CATSPERT: variants seen among roughly 807,000 people sequenced by gnomAD.
The protein encoded by CATSPERT is cation channel sperm-associated targeting subunit tau.
chr2:201,615,349 A>C, the CATSPERT span, among the ~76,000 whole-genome samples: 2 of 152,272 alleles, frequency 1.3e-5, no homozygotes, highest in Non-Finnish European at 2.9e-5. Flanking sequence ...AAATTATAAC[A>C]GACTGTCTCT....
the CATSPERT span, chr2:201,601,710 C>A: frequency 6.4e-7 from 1 of 1,569,968 alleles, no homozygotes; most frequent in Non-Finnish European, 8.7e-7. Flanking sequence ...AGGAGCCATT[C>A]TAATATCTAG....
chr2:201,542,988 T>C, the CATSPERT span, among the ~76,000 whole-genome samples: 8 of 152,226 alleles, frequency 5.3e-5, no homozygotes, highest in Admixed American at 5.2e-4. Context: ...TTTCCAGTCT[T>C]ACATTTAAGT....
At chr2:201,563,036 C>G in the CATSPERT span, among the ~76,000 whole-genome samples, 3 of 151,388 alleles carry the variant, frequency 2.0e-5, no homozygotes, top group African/African-American at 7.3e-5. Flanking sequence ...TTGGGCACAC[C>G]TCCCAGACGG....
At chr2:201,604,847 C>A in the CATSPERT span, 1 of 431,780 alleles carries the variant, frequency 2.3e-6, no homozygotes, top group Non-Finnish European at 4.0e-6. Flanking sequence ...CATCCCTATC[C>A]TCAATAAGAA....
the CATSPERT span, among the ~76,000 whole-genome samples, chr2:201,583,971 A>T: frequency 6.6e-6 from 1 of 152,204 alleles, no homozygotes; most frequent in South Asian, 2.1e-4. Context: ...GAATAAAAAC[A>T]CTATATCAAC....
the CATSPERT span, chr2:201,487,497 A>C: frequency 9.9e-7 from 1 of 1,005,156 alleles, no homozygotes; most frequent in South Asian, 1.7e-5. Flanking sequence ...CTGTCACACA[A>C]AAGAAGAGAT....
At chr2:201,493,288 T>G in the CATSPERT span, 2 of 1,536,610 alleles carry the variant, frequency 1.3e-6, no homozygotes, top group Non-Finnish European at 1.7e-6. Context: ...ATAACTTGAA[T>G]CTTGTGGGAA....
At chr2:201,619,148 C>T in the CATSPERT span, 4 of 1,612,784 alleles carry the variant, frequency 2.5e-6, no homozygotes, top group East Asian at 4.5e-5. Context: ...TCTTCTGCGG[C>T]CTGTCTGCGC....
chr2:201,514,206 A>T, the CATSPERT span, among the ~76,000 whole-genome samples: 2 of 152,152 alleles, frequency 1.3e-5, no homozygotes, highest in Non-Finnish European at 2.9e-5. Context: ...ATTCTACAAT[A>T]CCAACTTTAC....
chr2:201,605,067 C>A, the CATSPERT span, among the ~76,000 whole-genome samples: 1 of 149,926 alleles, frequency 6.7e-6, no homozygotes. Flanking sequence ...CATACACACA[C>A]ACACACACAC....
chr2:201,585,840 A>G, the CATSPERT span, among the ~76,000 whole-genome samples: 1 of 152,238 alleles, frequency 6.6e-6, no homozygotes, highest in African/African-American at 2.4e-5. Flanking sequence ...ATGAAATTGT[A>G]AAATACAGTT....
At chr2:201,589,883 C>A in the CATSPERT span, among the ~76,000 whole-genome samples, 1 of 152,002 alleles carries the variant, frequency 6.6e-6, no homozygotes, top group Non-Finnish European at 1.5e-5. Flanking sequence ...TATCCAGCAT[C>A]TATATGGAAC....
the CATSPERT span, among the ~76,000 whole-genome samples, chr2:201,599,094 C>T: frequency 6.6e-6 from 1 of 152,108 alleles, no homozygotes; most frequent in African/African-American, 2.4e-5. Flanking sequence ...GCCTCCTGAC[C>T]ATTCTGATAC....
the CATSPERT span, chr2:201,582,268 T>C: frequency 1.1e-5 from 16 of 1,515,276 alleles, no homozygotes; most frequent in Non-Finnish European, 1.3e-5. Context: ...AGCCTAAATA[T>C]TTCTGAACAC....
the CATSPERT span, among the ~76,000 whole-genome samples, chr2:201,540,895 T>C: frequency 1.3e-5 from 2 of 152,226 alleles, no homozygotes; most frequent in African/African-American, 4.8e-5. Context: ...TTTACCATTC[T>C]AGATGCCATT....
chr2:201,487,808 G>C, the CATSPERT span: 2 of 1,614,080 alleles, frequency 1.2e-6, no homozygotes, highest in Non-Finnish European at 1.7e-6. Flanking sequence ...GATATCATCT[G>C]AGCTTTTTCC....
the CATSPERT span, chr2:201,565,729 C>G: frequency 6.9e-7 from 1 of 1,443,352 alleles, no homozygotes. Context: ...TTTTTTTTAC[C>G]TTTCCCGGGG....
the CATSPERT span, chr2:201,545,532 T>C: frequency 1.4e-6 from 2 of 1,440,364 alleles, no homozygotes; most frequent in Non-Finnish European, 1.9e-6. Context: ...AAAATCAAAG[T>C]AGTTTCTTAC....
the CATSPERT span, among the ~76,000 whole-genome samples, chr2:201,561,365 T>C: frequency 6.6e-6 from 1 of 152,122 alleles, no homozygotes; most frequent in Non-Finnish European, 1.5e-5. Context: ...TTTAAAAAAA[T>C]TAATTTTCAA....
Sources: allele counts gnomAD v4.1 joint callset (sites outside exome capture counted in the v4.1 genomes callset), GRCh38; gene constraint gnomAD v4.1.1; transcripts MANE v1.5; gene names NCBI Gene and HGNC (gene_info 2026-07-23, HGNC 2026-07-21).